Variants in JPH1 observed in about 807,000 individuals in gnomAD.
JPH1 encodes junctophilin 1.
Under a neutral mutation model 53.6 loss-of-function variants are expected in JPH1, and 12 were observed. That is an observed-to-expected ratio of 0.22 (90% confidence interval 0.14 to 0.36). The LOEUF (loss-of-function observed/expected upper bound fraction) is 0.36. JPH1 is among the 10% of genes least tolerant of loss of function. The probability of loss-of-function intolerance (pLI) is 1.00; values close to 1 mark genes in which losing one functional copy is unlikely to be tolerated. For missense variants in JPH1, 808 were observed against 905.5 expected, an observed-to-expected ratio of 0.89 and a Z score of 1.38; for synonymous variants, 375 against 363.8, an observed-to-expected ratio of 1.03 and a Z score of -0.35.
chr8:74,239,002 A>C (rs1343121576), intron 4 of JPH1, among the ~76,000 whole-genome samples: 1 of 152,228 alleles, frequency 6.6e-6, no homozygotes, highest in Non-Finnish European at 1.5e-5. Context: ...ACTGAATTAA[A>C]TGAAGAACAA....
intron 1 of JPH1, among the ~76,000 whole-genome samples, chr8:74,318,787 A>G (rs1808233042): frequency 6.6e-6 from 1 of 152,168 alleles, no homozygotes; most frequent in South Asian, 2.1e-4. Context: ...AGCAGAAAAC[A>G]AGCTAATTTT....
At chr8:74,243,565 T>C (rs1041634896) in intron 4 of JPH1, among the ~76,000 whole-genome samples, 2 of 152,250 alleles carry the variant, frequency 1.3e-5, no homozygotes, top group African/African-American at 2.4e-5. Context: ...GGCTGTACTA[T>C]ATTCTTGTTG....
intron 4 of JPH1, among the ~76,000 whole-genome samples, chr8:74,237,995 T>C (rs1807049105): frequency 6.6e-6 from 1 of 152,220 alleles, no homozygotes; most frequent in African/African-American, 2.4e-5. Context: ...CAGATAGTTG[T>C]CCAAGGGCCC....
At chr8:74,302,178 CAAG>C (rs1365419281) in intron 2 of JPH1, among the ~76,000 whole-genome samples, 1 of 152,202 alleles carries the variant, frequency 6.6e-6, no homozygotes, top group Admixed American at 6.5e-5. Flanking sequence ...CCTCAGACCA[CAAG>C]AAGAGAACAA....
chr8:74,257,670 C>T (rs1006114218), intron 3 of JPH1, among the ~76,000 whole-genome samples: 4 of 152,100 alleles, frequency 2.6e-5, no homozygotes, highest in African/African-American at 4.8e-5. Flanking sequence ...GTTCATTTCA[C>T]GCCAGAGGAG....
rs1284583552 is a variant in JPH1 at position 74,259,426 on chromosome 8, CT to C, written c.1216del (p.Arg406GlufsTer27). On this transcript the variant is annotated frameshift_variant, in exon 3 of 6. Coordinates refer to ENST00000342232, the MANE Select transcript of JPH1 (RefSeq NM_020647.4). LOFTEE classifies it high-confidence loss of function. ...AGGTGACAGCTCCCTGGCCACAGCT[CT>C]CGCGATGTCGCACTCCTGGCGAGCG... ...LAARQECDIA[R>X]AVARELSPDF... 1 of 1,613,856 alleles carries C rather than the reference CT, an allele frequency of 6.2e-7. No individual in the cohort carries two copies. Among genetic ancestry groups the C allele is most frequent in the Non-Finnish European group, 8.5e-7 (1 of 1,179,902 alleles).
chr8:74,263,904 T>C (rs1806463611), intron 2 of JPH1, among the ~76,000 whole-genome samples: 1 of 152,126 alleles, frequency 6.6e-6, no homozygotes, highest in East Asian at 1.9e-4. Flanking sequence ...GTGTAGACAG[T>C]TGCAGCCCGT....
intron 2 of JPH1, among the ~76,000 whole-genome samples, chr8:74,278,426 C>T (rs1021687032): frequency 3.9e-5 from 6 of 152,194 alleles, no homozygotes; most frequent in African/African-American, 1.4e-4. Context: ...GCCCCACTCA[C>T]CATCACCCTT....
chr8:74,284,541 C>T (rs968835755), intron 2 of JPH1, among the ~76,000 whole-genome samples: 3 of 151,884 alleles, frequency 2.0e-5, no homozygotes, highest in Admixed American at 1.3e-4. Flanking sequence ...TGCTGACACA[C>T]CAATTAAAAA....
chr8:74,258,969 C>T (rs868864154), intron 3 of JPH1, among the ~76,000 whole-genome samples: 44 of 152,300 alleles, frequency 2.9e-4, no homozygotes, highest in African/African-American at 1.0e-3. Flanking sequence ...TGGGCACCGA[C>T]ACGATGCTAC....
chr8:74,267,147 T>A (rs1806555892), intron 2 of JPH1, among the ~76,000 whole-genome samples: 2 of 152,318 alleles, frequency 1.3e-5, no homozygotes, highest in South Asian at 2.1e-4. Flanking sequence ...GACATAGGCA[T>A]CTGTAGTTGG....
At chr8:74,295,421 C>T (rs1419097110) in intron 2 of JPH1, among the ~76,000 whole-genome samples, 1 of 152,168 alleles carries the variant, frequency 6.6e-6, no homozygotes, top group Non-Finnish European at 1.5e-5. Flanking sequence ...TGAGGACGAA[C>T]ACTGTCTTTT....
At chr8:74,241,073 T>TAC (rs199923403) in intron 4 of JPH1, among the ~76,000 whole-genome samples, 22 of 151,918 alleles carry the variant, frequency 1.4e-4, no homozygotes, top group African/African-American at 4.6e-4. Context: ...TTTGCACGCA[T>TAC]ACACACACAC....
In JPH1 at chr8:74,237,300, G is replaced by T; in HGVS notation, c.1909C>A (p.Pro637Thr). 6.2e-7 allele frequency: 1 copy of T among 1,610,412 alleles called. No individual in the cohort carries two copies. Among genetic ancestry groups the T allele is most frequent in the Non-Finnish European group, 8.5e-7 (1 of 1,178,414 alleles). ...ACAAGGACAATCATGATTGAATTAGGGCCCTGAAAATGAAAGAGAACAAAG... is the reference window on the plus strand; with the variant it reads ...ACAAGGACAATCATGATTGAATTAGTGCCCTGAAAATGAAAGAGAACAAAG... ...PALEKEANSG[P>T]NSIMIVLVML... is the part of the protein sequence containing the mutation. The change falls in exon 5 of 6, where the codon CCT becomes ACT. Residue 637 changes from proline to threonine, a missense_variant. This residue lies in a region of JPH1 where 756 missense variants were observed against 811.9 expected (regional missense o/e 0.93). Coordinates refer to ENST00000342232, the MANE Select transcript of JPH1 (RefSeq NM_020647.4).
chr8:74,244,903 T>A lies in JPH1; in HGVS notation c.1531A>T (p.Asn511Tyr). ...VADEQVTAIV[N>Y]KPLMSKAPTK... is the part of the protein sequence containing the mutation. ...GGAGCCTTTGACATCAAGGGCTTAT[T>A]GACAATGGCCGTCACCTGCTCATCA... is the stretch of plus-strand genomic sequence containing the variant. The change falls in exon 4 of 6, where the codon AAT becomes TAT. Residue 511 changes from asparagine (N) to tyrosine (Y), a missense_variant. Around this residue, in one of 2 missense-constraint regions of JPH1, gnomAD observed 756 missense variants for 811.9 expected, o/e 0.93. Transcript: ENST00000342232. The A allele has an allele frequency of 6.2e-7, 1 of 1,614,140 alleles. No homozygotes were observed. Among genetic ancestry groups the A allele is most frequent in the African/African-American group, 1.3e-5 (1 of 75,036 alleles).
At chr8:74,278,824 T>C (rs1806923801) in intron 2 of JPH1, among the ~76,000 whole-genome samples, 1 of 152,154 alleles carries the variant, frequency 6.6e-6, no homozygotes, top group Non-Finnish European at 1.5e-5. Context: ...TGTTCTGCCA[T>C]TTGTAAGCTG....
chr8:74,294,429 C>G (rs67234636), intron 2 of JPH1, among the ~76,000 whole-genome samples: 10,252 of 152,218 alleles, frequency 0.067, 539 homozygotes, highest in Non-Finnish European at 0.1. Context: ...CAAAAGCAGG[C>G]CCGGATGTCC....
rs569417895 is a variant in JPH1, at chr8:74,239,186, ATTTT to A, written c.1906-1887_1906-1884del. On this transcript the variant is annotated intron_variant, in intron 4 of 5. Transcript: ENST00000342232. ...GGGCAGTGGGTTAAACATCTCTGAGATTTTTTTTTTTGTTTATTCTTCACAAGTG... is the reference window on the plus strand; with the variant it reads ...GGGCAGTGGGTTAAACATCTCTGAGATTTTTTTGTTTATTCTTCACAAGTG... 2.7e-4 allele frequency among the ~76,000 whole-genome samples: 40 copies of A among 148,018 alleles called. No individual in the cohort carries two copies. In the South Asian group the frequency reaches 4.3e-3, roughly 16 times the overall value.
At chr8:74,238,252 C>A (rs1805594108) in intron 4 of JPH1, among the ~76,000 whole-genome samples, 1 of 152,104 alleles carries the variant, frequency 6.6e-6, no homozygotes, top group Non-Finnish European at 1.5e-5. Context: ...TACACTGAAA[C>A]AATGTTACAG....
Sources: gnomAD v4.1 joint callset for allele counts (sites outside exome capture counted in the v4.1 genomes callset) on GRCh38, gnomAD v4.1.1 for gene constraint, gnomAD v4.1.1 regional missense constraint, MANE v1.5 for transcripts, NCBI Gene and HGNC (gene_info 2026-07-23, HGNC 2026-07-21) for gene names.